The following LRRTM3 variants were observed in gnomAD, a reference collection of about 807,000 sequenced individuals.
LRRTM3 encodes leucine-rich repeat transmembrane neuronal protein 3.
A neutral mutation model predicts 44.7 loss-of-function variants in LRRTM3; 24 were observed. The observed-to-expected ratio is 0.54, with a 90% confidence interval of 0.39 to 0.76. LRRTM3 has a LOEUF of 0.76. Among genes scored for constraint, LRRTM3 ranks in the 30% least tolerant of loss-of-function variants. LRRTM3 has a pLI of 0.00. For missense variants in LRRTM3, 587 were observed against 702.2 expected, an observed-to-expected ratio of 0.84 and a Z score of 1.85; for synonymous variants, 277 against 278.7, an observed-to-expected ratio of 0.99 and a Z score of 0.06.
At position 67,097,584 on chromosome 10, in the gene LRRTM3, C is replaced by T; in HGVS notation, c.1537-3C>T. ...TGACTTTTCTCATGTCATTTTTCCC[C>T]AGATACCTTTATCAATGAATGTGTC... On this transcript the variant is annotated splice_region_variant and splice_polypyrimidine_tract_variant and intron_variant, in intron 2 of 2. Coordinates refer to ENST00000361320, the MANE Select transcript of LRRTM3 (RefSeq NM_178011.5). The T allele has an allele frequency of 2.5e-6, 4 of 1,611,434 alleles. No homozygotes were observed. Among genetic ancestry groups the T allele is most frequent in the Non-Finnish European group, 3.4e-6 (4 of 1,178,336 alleles).
chr10:66,928,329 A>T lies in LRRTM3; in HGVS notation c.1413A>T (p.Gln471His). 1 of 1,614,132 alleles carries T rather than the reference A, an allele frequency of 6.2e-7. No homozygotes were observed. Among genetic ancestry groups the T allele is most frequent in the Non-Finnish European group, 8.5e-7 (1 of 1,180,034 alleles). ...HRKKKRQSLK[Q>H]MTPSTQEFYV... is the part of the protein sequence containing the mutation. ...AAAAGAAAAGACAGTCCCTAAAGCA[A>T]ATGACTCCCAGCACCCAGGAATTTT... Residue 471 changes from glutamine to histidine, a missense_variant, in exon 2 of 3, where the codon CAA becomes CAT. Gln to His is a conservative substitution (Grantham distance 24). Coordinates refer to ENST00000361320, the MANE Select transcript of LRRTM3 (RefSeq NM_178011.5).
chr10:67,040,863 CA>C (rs1365479521), intron 2 of LRRTM3, among the ~76,000 whole-genome samples: 4 of 152,078 alleles, frequency 2.6e-5, no homozygotes, highest in Admixed American at 2.6e-4. Context: ...TTTCATTGAA[CA>C]ACTATGACAT....
intron 2 of LRRTM3, among the ~76,000 whole-genome samples, chr10:67,062,933 G>GT (rs895257243): frequency 2.0e-5 from 3 of 152,082 alleles, no homozygotes; most frequent in Non-Finnish European, 2.9e-5. Flanking sequence ...ATTTCCTGCA[G>GT]TTTTTTTAGC....
At chr10:67,059,361 C>T (rs1564862013) in intron 2 of LRRTM3, among the ~76,000 whole-genome samples, 1 of 151,908 alleles carries the variant, frequency 6.6e-6, no homozygotes, top group African/African-American at 2.4e-5. Context: ...TATTTTAAGA[C>T]CAATGAGGTT....
At chr10:67,093,378 T>G (rs907814734) in intron 2 of LRRTM3, among the ~76,000 whole-genome samples, 3 of 151,934 alleles carry the variant, frequency 2.0e-5, no homozygotes, top group African/African-American at 7.3e-5. Flanking sequence ...AAATTGGGAC[T>G]GTACTGTTGA....
At chr10:66,946,074 G>A (rs966740013) in intron 2 of LRRTM3, among the ~76,000 whole-genome samples, 1 of 152,156 alleles carries the variant, frequency 6.6e-6, no homozygotes, top group African/African-American at 2.4e-5. Flanking sequence ...AGCACATGCT[G>A]TTGAAAAACA....
intron 2 of LRRTM3, among the ~76,000 whole-genome samples, chr10:66,985,780 T>G (rs1387401774): frequency 6.6e-6 from 1 of 152,148 alleles, no homozygotes; most frequent in Admixed American, 6.5e-5. Flanking sequence ...CATGCTGGAG[T>G]GCAGTACCAT....
At chr10:66,956,016 GA>G (rs1848773895) in intron 2 of LRRTM3, among the ~76,000 whole-genome samples, 1 of 152,102 alleles carries the variant, frequency 6.6e-6, no homozygotes, top group East Asian at 1.9e-4. Flanking sequence ...GCCTTTAAGG[GA>G]ATTCTGCAGA....
At chr10:66,939,074 CAG>C (rs1847867560) in intron 2 of LRRTM3, among the ~76,000 whole-genome samples, 1 of 152,178 alleles carries the variant, frequency 6.6e-6, no homozygotes, top group South Asian at 2.1e-4. Flanking sequence ...TACGCTATGA[CAG>C]AAACTAGGTC....
chr10:66,993,746 C>T (rs114328201), intron 2 of LRRTM3, among the ~76,000 whole-genome samples: 2,192 of 148,486 alleles, frequency 0.015, 54 homozygotes, highest in African/African-American at 0.052. Context: ...GCCTGTATTT[C>T]GGATTATGTG....
At chr10:67,056,613 T>A (rs751820153) in intron 2 of LRRTM3, among the ~76,000 whole-genome samples, 1 of 152,086 alleles carries the variant, frequency 6.6e-6, no homozygotes, top group African/African-American at 2.4e-5. Flanking sequence ...TTCCTAAGGA[T>A]AACAATAAGG....
At chr10:67,082,617 G>A (rs950387276) in intron 2 of LRRTM3, among the ~76,000 whole-genome samples, 2 of 152,080 alleles carry the variant, frequency 1.3e-5, no homozygotes, top group African/African-American at 4.8e-5. Flanking sequence ...TAACTCAGCT[G>A]GCCCGCAGGA....
chr10:66,931,400 C>A (rs1276760565), intron 2 of LRRTM3, among the ~76,000 whole-genome samples: 3 of 152,126 alleles, frequency 2.0e-5, no homozygotes, highest in African/African-American at 7.2e-5. Flanking sequence ...AATACTTATG[C>A]AAGATATATT....
chr10:67,035,693 A>C (rs1270829140), intron 2 of LRRTM3, among the ~76,000 whole-genome samples: 1 of 152,172 alleles, frequency 6.6e-6, no homozygotes, highest in African/African-American at 2.4e-5. Context: ...CTTTCAATCA[A>C]ATTAGGCAAT....
At chr10:66,954,820 T>C (rs956338087) in intron 2 of LRRTM3, among the ~76,000 whole-genome samples, 2 of 152,162 alleles carry the variant, frequency 1.3e-5, no homozygotes, top group Non-Finnish European at 2.9e-5. Flanking sequence ...AGGCTGATTA[T>C]TATAGGCCTT....
At position 66,926,774 on chromosome 10, in the gene LRRTM3, C is replaced by A. The variant is rs1450127990; in HGVS notation, c.5-147C>A. The A allele has an allele frequency of 4.2e-6, 4 of 960,454 alleles. No homozygotes were observed. The East Asian group carries it at 1.1e-4, about 25-fold the overall frequency. 59.5% of individuals were successfully genotyped at this position (960,454 alleles called of 1,614,324 possible). Reference sequence around the variant, plus strand: ...AAAAAACAAAACACTAAAGACAATTCTCTTTAATTACAAAGAGATAATATG... The same window carrying A: ...AAAAAACAAAACACTAAAGACAATTATCTTTAATTACAAAGAGATAATATG... On this transcript the variant is annotated intron_variant, in intron 1 of 2. Transcript: ENST00000361320.
intron 2 of LRRTM3, among the ~76,000 whole-genome samples, chr10:67,094,858 T>C (rs1410034360): frequency 6.6e-6 from 1 of 151,720 alleles, no homozygotes; most frequent in Non-Finnish European, 1.5e-5. Context: ...ATATCATGTA[T>C]ATATCCATAG....
chr10:66,987,652 C>A (rs1850809057), intron 2 of LRRTM3, among the ~76,000 whole-genome samples: 3 of 152,174 alleles, frequency 2.0e-5, no homozygotes, highest in African/African-American at 7.2e-5. Context: ...GTATAGTTAA[C>A]TTTGGAACAC....
intron 2 of LRRTM3, among the ~76,000 whole-genome samples, chr10:66,991,893 G>T (rs1851060413): frequency 6.6e-6 from 1 of 151,930 alleles, no homozygotes; most frequent in Admixed American, 6.6e-5. Context: ...TCTCATTCTA[G>T]AAAAGAAGGC....
Sources: allele counts gnomAD v4.1 joint callset (sites outside exome capture counted in the v4.1 genomes callset), GRCh38; gene constraint gnomAD v4.1.1; transcripts MANE v1.5; gene names NCBI Gene and HGNC (gene_info 2026-07-23, HGNC 2026-07-21).